Variants in SLTM observed in about 807,000 individuals in gnomAD.
SLTM encodes SAFB-like transcription modulator.
Under a neutral mutation model 134.6 loss-of-function variants are expected in SLTM, and 43 were observed. The ratio of observed to expected loss-of-function variants is 0.32; its 90% CI spans 0.25 to 0.41. The LOEUF is 0.41. Ranked by LOEUF, SLTM falls within the 10% of genes least tolerant of loss-of-function variation. The probability of loss-of-function intolerance (pLI) is 1.00; values close to 1 mark genes in which losing one functional copy is unlikely to be tolerated. For synonymous variants in SLTM, 424 were observed against 432.3 expected (o/e 0.98, Z 0.24); for missense variants, 1,055 against 1,288.8 (o/e 0.82, Z 2.78).
chr15:58,910,269 G>T (rs1876717607), intron 5 of SLTM, among the ~76,000 whole-genome samples: 1 of 152,140 alleles, frequency 6.6e-6, no homozygotes, highest in South Asian at 2.1e-4. Flanking sequence ...CGAGGTGATT[G>T]TTACACTATG....
Position 58,893,059 on chromosome 15 carries a change from A to T in SLTM, c.1736T>A (p.Ile579Asn), listed in dbSNP as rs970276786. ...CTCCTTTTCCTTACTTCTTCCATGAATCTGTAGAAAAAAATTAGAAGAACA... is the reference window on the plus strand; with the variant it reads ...CTCCTTTTCCTTACTTCTTCCATGATTCTGTAGAAAAAAATTAGAAGAACA... The part of the protein sequence containing the change: ...RPSRRGRYEK[I>N]HGRSKEKERA... The change falls in exon 14 of 21, where the codon ATT (isoleucine) becomes AAT (asparagine). Residue 579 changes from isoleucine (I) to asparagine (N), a missense_variant and splice_region_variant. Physicochemically the swap from Ile to Asn is moderately radical, Grantham distance 149. This residue lies in a region of SLTM where 776 missense variants were observed against 962.2 expected (regional missense o/e 0.81). Transcript: ENST00000380516. 4 of 1,570,308 alleles carry T rather than the reference A, an allele frequency of 2.5e-6. No homozygotes were observed. The East Asian group carries it at 9.0e-5, about 35-fold the overall frequency.
intron 20 of SLTM, chr15:58,883,406 C>T (rs1033697647): frequency 1.6e-5 from 9 of 560,876 alleles, no homozygotes; most frequent in African/African-American, 1.1e-4. Flanking sequence ...CTTGCCAGAA[C>T]GTCACTGAAT....
chr15:58,890,325 T>A lies in SLTM; in HGVS notation c.2035A>T (p.Met679Leu). The A allele has an allele frequency of 6.2e-7, 1 of 1,610,990 alleles. No individual in the cohort carries two copies. Among genetic ancestry groups the A allele is most frequent in the East Asian group, 2.2e-5 (1 of 44,818 alleles). Residue 679 changes from methionine (M) to leucine (L), a missense_variant, in exon 15 of 21, where the codon ATG (methionine) becomes TTG (leucine). Transcript: ENST00000380516. The stretch of plus-strand genomic sequence containing the variant: ...TCCCTTTCCAAGCGTTCGCGTTCCA[T>A]TCTCTCTCTCTCTAGTTTTTGCCTT... ...IERQKLERER[M>L]ERERLERERI... is the part of the protein sequence containing the mutation.
intron 15 of SLTM, chr15:58,889,874 C>A (rs748215091): frequency 2.9e-6 from 1 of 344,430 alleles, no homozygotes; most frequent in Non-Finnish European, 5.3e-6. Flanking sequence ...AGACTAAGTG[C>A]CTTAAAACCC....
Position 58,894,447 on chromosome 15 carries a change from T to C in SLTM, c.1363A>G (p.Ile455Val). The change falls in exon 10 of 21, where the codon ATT becomes GTT. Residue 455 changes from isoleucine (I) to valine (V), a missense_variant. Physicochemically the swap from Ile to Val is conservative, Grantham distance 29. This residue lies in a region of SLTM where 776 missense variants were observed against 962.2 expected (regional missense o/e 0.81). Transcript: ENST00000380516. ...LHRTELHGQLISVEKVKGDPS... is the reference protein window; with the variant it reads ...LHRTELHGQLVSVEKVKGDPS... ...GGGAAGCTTACTTTTTCAACAGAAA[T>C]CAGCTGTCCATGCAGCTCAGTGCGA... 6.2e-7 allele frequency: 1 copy of C among 1,614,138 alleles called. No homozygotes were observed. Among genetic ancestry groups the C allele is most frequent in the South Asian group, 1.1e-5 (1 of 91,070 alleles).
chr15:58,927,555 G>A (rs2037567422), intron 2 of SLTM, among the ~76,000 whole-genome samples: 2 of 152,222 alleles, frequency 1.3e-5, no homozygotes, highest in South Asian at 4.1e-4. Flanking sequence ...ACAGGCGTGA[G>A]CCATGCGCCT....
At chr15:58,885,126 T>C (rs915757108) in intron 19 of SLTM, among the ~76,000 whole-genome samples, 14 of 152,210 alleles carry the variant, frequency 9.2e-5, no homozygotes, top group Admixed American at 3.9e-4. Flanking sequence ...AGTTGTGAAC[T>C]TATTTTACAT....
Position 58,933,409 on chromosome 15 carries a change from T to C in SLTM, c.157A>G (p.Lys53Glu). 1 of 1,578,188 alleles carries C rather than the reference T, an allele frequency of 6.3e-7. No individual in the cohort carries two copies. Among genetic ancestry groups the C allele is most frequent in the Non-Finnish European group, 8.6e-7 (1 of 1,162,442 alleles). Residue 53 changes from lysine to glutamate, a missense_variant, in exon 1 of 21, where the codon AAG (lysine) becomes GAG (glutamate). Around this residue, in one of 3 missense-constraint regions of SLTM, gnomAD observed 268 missense variants for 284.3 expected, o/e 0.94. Transcript: ENST00000380516. ...GVKTVLISRL[K>E]QAIEEEGGDP... ...CGGTCCTCGCCGGGCCTCACCTGCT[T>C]GAGTCGGGAGATGAGCACGGTCTTG...
At chr15:58,914,665 A>C (rs2036507450) in intron 3 of SLTM, among the ~76,000 whole-genome samples, 1 of 152,160 alleles carries the variant, frequency 6.6e-6, no homozygotes, top group African/African-American at 2.4e-5. Context: ...TACCAAGGAA[A>C]CTTCACCTAT....
intron 9 of SLTM, among the ~76,000 whole-genome samples, chr15:58,894,914 A>G (rs1339334911): frequency 6.6e-6 from 1 of 152,158 alleles, no homozygotes; most frequent in Non-Finnish European, 1.5e-5. Flanking sequence ...CATGTTGGCC[A>G]GGCTGGTCTC....
At chr15:58,932,240 C>A (rs930010946) in intron 2 of SLTM, 116 bp downstream of exon 2, 1 of 749,692 alleles carries the variant, frequency 1.3e-6, no homozygotes. Flanking sequence ...AGAAGGCAGA[C>A]TGCCAGAGGG....
intron 5 of SLTM, among the ~76,000 whole-genome samples, chr15:58,902,410 G>C (rs2035548585): frequency 6.9e-6 from 1 of 145,422 alleles, no homozygotes; most frequent in East Asian, 2.0e-4. Flanking sequence ...TTTTTAAACA[G>C]GTTCCTTACT....
In SLTM at chr15:58,887,212, T is replaced by A. The variant is rs1245590363; in HGVS notation, c.2690+14A>T. ...ATGAGACCACTAGGAAAGCATTACA[T>A]AGTACACAGCTACCTTGTTTCCCGT... On this transcript the variant is annotated intron_variant, in intron 18 of 20. Transcript: ENST00000380516. The A allele has an allele frequency of 6.2e-7, 1 of 1,613,300 alleles. No homozygotes were observed. The highest frequency in any genetic ancestry group is 8.5e-7 in the Non-Finnish European group (1 of 1,179,440).
rs2034313395 is a variant in SLTM at position 58,887,457 on chromosome 15, G to T, written c.2459C>A (p.Pro820His). 1 of 1,613,886 alleles carries T rather than the reference G, an allele frequency of 6.2e-7. No homozygotes were observed. The highest frequency in any genetic ancestry group is 8.5e-7 in the Non-Finnish European group (1 of 1,180,004). ...TCTTCTGGAGTCACTGAAATTTTTG[G>T]GATATCTTTCGAAGCTTGGATCTTC... is the stretch of plus-strand genomic sequence containing the variant. ...RREDPSFERY[P>H]KNFSDSRRNE... Residue 820 changes from proline to histidine, a missense_variant, in exon 18 of 21, where the codon CCC (proline) becomes CAC (histidine). This residue lies in a region of SLTM where 776 missense variants were observed against 962.2 expected (regional missense o/e 0.81). Transcript: ENST00000380516.
intron 4 of SLTM, among the ~76,000 whole-genome samples, chr15:58,913,222 TA>T (rs2036405988): frequency 6.6e-6 from 1 of 152,166 alleles, no homozygotes; most frequent in South Asian, 2.1e-4. Flanking sequence ...AGCAGTCTAA[TA>T]AATTATGGGG....
intron 2 of SLTM, among the ~76,000 whole-genome samples, chr15:58,918,309 T>C (rs2036788387): frequency 6.6e-6 from 1 of 152,172 alleles, no homozygotes; most frequent in Admixed American, 6.5e-5. Flanking sequence ...TCCCTTTGCC[T>C]ACAACTGGCA....
intron 1 of SLTM, among the ~76,000 whole-genome samples, chr15:58,933,193 C>A (rs1299834646): frequency 6.6e-6 from 1 of 151,644 alleles, no homozygotes; most frequent in Non-Finnish European, 1.5e-5. Flanking sequence ...GCCGGTCCCT[C>A]GCAGGCCCGG....
At chr15:58,927,362 C>G (rs1352252849) in intron 2 of SLTM, among the ~76,000 whole-genome samples, 2 of 152,210 alleles carry the variant, frequency 1.3e-5, no homozygotes, top group South Asian at 2.1e-4. Flanking sequence ...CTCTGCCTCC[C>G]AGGTTCAAGA....
intron 2 of SLTM, among the ~76,000 whole-genome samples, chr15:58,920,969 T>TA (rs2037001894): frequency 6.6e-6 from 1 of 151,956 alleles, no homozygotes; most frequent in Admixed American, 6.6e-5. Flanking sequence ...AAATAAAAAA[T>TA]AAAAAATTTT....
Sources: allele counts gnomAD v4.1 joint callset (sites outside exome capture counted in the v4.1 genomes callset), GRCh38; gene constraint gnomAD v4.1.1; regional missense constraint gnomAD v4.1.1; transcripts MANE v1.5; gene names NCBI Gene and HGNC (gene_info 2026-07-23, HGNC 2026-07-21).